Variants in EPHA3 observed in about 807,000 individuals in gnomAD.
EPHA3 encodes the protein ephrin type-A receptor 3.
In EPHA3, 42 loss-of-function variants were observed where a neutral mutation model predicts 107.1. The ratio of observed to expected loss-of-function variants is 0.39; its 90% confidence interval spans 0.31 to 0.51. EPHA3 has a LOEUF of 0.51. Among genes scored for constraint, EPHA3 ranks in the 20% least tolerant of loss-of-function variants. EPHA3 has a pLI of 0.78. For synonymous variants in EPHA3, 461 were observed against 424.8 expected (o/e 1.09, Z -1.05); for missense variants, 1,183 against 1,211.2 (o/e 0.98, Z 0.35).
chr3:89,273,006 A>T (rs1347256606), intron 3 of EPHA3, among the ~76,000 whole-genome samples: 4 of 151,942 alleles, frequency 2.6e-5, no homozygotes, highest in Non-Finnish European at 5.9e-5. Flanking sequence ...AGTGACTATT[A>T]AAGGAAGTGA....
chr3:89,381,435 C>T (rs572188674), intron 5 of EPHA3, among the ~76,000 whole-genome samples: 17 of 151,772 alleles, frequency 1.1e-4, no homozygotes, highest in Non-Finnish European at 1.8e-4. Flanking sequence ...TTCAGGAGGC[C>T]GAGGTGGGCA....
In EPHA3 at chr3:89,304,573, T is replaced by C. The variant is rs565641895; in HGVS notation, c.815-36343T>C. On this transcript the variant is annotated intron_variant, in intron 3 of 16. Transcript: ENST00000336596. ...GAACAGTCTTTTCCAGGTGTCTGTA[T>C]GACTAATATCCTCAGCTCCCTTAAA... Among the ~76,000 whole-genome samples the C allele has an allele frequency of 1.1e-4, 17 of 152,234 alleles. No individual in the cohort carries two copies. In the East Asian group the frequency reaches 2.3e-3, roughly 21 times the overall value.
At chr3:89,182,698 C>G (rs569526972) in intron 2 of EPHA3, among the ~76,000 whole-genome samples, 1 of 151,790 alleles carries the variant, frequency 6.6e-6, no homozygotes, top group South Asian at 2.1e-4. Context: ...TTTTGCTTTA[C>G]CTGGAAATAG....
At chr3:89,135,051 A>G (rs527248423) in intron 2 of EPHA3, among the ~76,000 whole-genome samples, 193 of 152,320 alleles carry the variant, frequency 1.3e-3, no homozygotes, top group African/African-American at 4.4e-3. Context: ...TTTTGCACCA[A>G]CTTAATAATT....
intron 5 of EPHA3, among the ~76,000 whole-genome samples, chr3:89,370,460 G>A (rs1219074292): frequency 6.6e-6 from 1 of 150,398 alleles, no homozygotes; most frequent in African/African-American, 2.4e-5. Flanking sequence ...TGAACAATGA[G>A]AACACATGGA....
At chr3:89,284,673 C>A (rs1388003360) in intron 3 of EPHA3, among the ~76,000 whole-genome samples, 1 of 152,146 alleles carries the variant, frequency 6.6e-6, no homozygotes, top group African/African-American at 2.4e-5. Context: ...ATGGCACTTT[C>A]TTTTGCATCT....
At chr3:89,392,722 A>G (rs1240492087) in intron 5 of EPHA3, among the ~76,000 whole-genome samples, 1 of 152,142 alleles carries the variant, frequency 6.6e-6, no homozygotes, top group Non-Finnish European at 1.5e-5. Flanking sequence ...TTTGTACAGA[A>G]AAACACTGAT....
intron 3 of EPHA3, among the ~76,000 whole-genome samples, chr3:89,318,342 A>G (rs1354195778): frequency 1.3e-5 from 2 of 151,876 alleles, no homozygotes; most frequent in East Asian, 3.9e-4. Context: ...ACAGCTATCA[A>G]GGAAGTTCAT....
intron 5 of EPHA3, among the ~76,000 whole-genome samples, chr3:89,365,098 A>G (rs952312158): frequency 2.0e-5 from 3 of 150,998 alleles, no homozygotes; most frequent in African/African-American, 7.3e-5. Flanking sequence ...TTGTGCAAAG[A>G]AAACACACCA....
At chr3:89,336,722 T>C (rs1199008797) in intron 3 of EPHA3, among the ~76,000 whole-genome samples, 1 of 152,056 alleles carries the variant, frequency 6.6e-6, no homozygotes, top group African/African-American at 2.4e-5. Flanking sequence ...AAAAGGACAC[T>C]TACTCATCCG....
intron 2 of EPHA3, among the ~76,000 whole-genome samples, chr3:89,167,979 T>TTTTAAACAAAATAAA (rs1455078379): frequency 3.3e-5 from 5 of 152,204 alleles, no homozygotes; most frequent in African/African-American, 7.2e-5. Flanking sequence ...TAAACAAAAT[T>TTTTAAACAAAATAAA]ATGATTAGCA....
intron 3 of EPHA3, among the ~76,000 whole-genome samples, chr3:89,297,406 G>C (rs1167115825): frequency 1.3e-5 from 2 of 152,162 alleles, no homozygotes; most frequent in African/African-American, 2.4e-5. Context: ...AGGGAGGCCA[G>C]AGGAGAAGCA....
intron 3 of EPHA3, among the ~76,000 whole-genome samples, chr3:89,280,003 T>A (rs896846960): frequency 5.3e-5 from 8 of 151,376 alleles, no homozygotes; most frequent in Admixed American, 4.6e-4. Context: ...GATCACAATG[T>A]TTCAACAATT....
Position 89,417,022 on chromosome 3 carries a change from C to T in EPHA3, c.1889-2183C>T, listed in dbSNP as rs1351658114. Among the ~76,000 whole-genome samples, 3 of 151,398 alleles carry T rather than the reference C, an allele frequency of 2.0e-5. No homozygotes were observed. The East Asian group carries it at 5.8e-4, about 30-fold the overall frequency. On this transcript the variant is annotated intron_variant, in intron 10 of 16. Transcript: ENST00000336596. ...TTTGTCAGTTTGATTTAAACAGAAA[C>T]TCTTAAAGGGTAGTTAGGCAATTTA...
intron 3 of EPHA3, among the ~76,000 whole-genome samples, chr3:89,317,273 CAG>C (rs2107372560): frequency 6.6e-6 from 1 of 151,826 alleles, no homozygotes; most frequent in Admixed American, 6.6e-5. Flanking sequence ...CTAGGTTTAT[CAG>C]CTAGCAGGAA....
intron 3 of EPHA3, among the ~76,000 whole-genome samples, chr3:89,244,468 G>A (rs971567537): frequency 3.3e-5 from 5 of 151,834 alleles, no homozygotes; most frequent in Non-Finnish European, 7.4e-5. Context: ...AAAAAGATGA[G>A]TACCTTAAAA....
intron 7 of EPHA3, among the ~76,000 whole-genome samples, chr3:89,404,193 A>C (rs2107513714): frequency 6.6e-6 from 1 of 152,296 alleles, no homozygotes; most frequent in Admixed American, 6.5e-5. Flanking sequence ...GGGAGAATGG[A>C]ATCATTAAAT....
intron 3 of EPHA3, among the ~76,000 whole-genome samples, chr3:89,316,504 TAATA>T (rs1427586583): frequency 1.1e-4 from 8 of 75,136 alleles, no homozygotes; most frequent in African/African-American, 3.5e-4. Flanking sequence ...TGTGTGTGTG[TAATA>T]TATATATATA....
chr3:89,381,162 C>T (rs367996121), intron 5 of EPHA3, among the ~76,000 whole-genome samples: 2,404 of 151,338 alleles, frequency 0.016, 65 homozygotes, highest in African/African-American at 0.055. Context: ...TTAGTAGAGA[C>T]GGGGTTTCAC....
Sources: allele counts gnomAD v4.1 joint callset (sites outside exome capture counted in the v4.1 genomes callset), GRCh38; gene constraint gnomAD v4.1.1; transcripts MANE v1.5; gene names NCBI Gene and HGNC (gene_info 2026-07-23, HGNC 2026-07-21).